PACS1: variants seen among roughly 807,000 people sequenced by gnomAD.
PACS1 encodes phosphofurin acidic cluster sorting protein 1.
Under a neutral mutation model 115.0 loss-of-function variants are expected in PACS1, and 24 were observed. That is an observed-to-expected ratio of 0.21 (90% CI 0.15 to 0.29). The LOEUF (loss-of-function observed/expected upper bound fraction) is 0.29. Among genes scored for constraint, PACS1 ranks in the 10% least tolerant of loss-of-function variants. The pLI, the probability that PACS1 is intolerant of heterozygous loss-of-function variation, is 1.00. For missense variants in PACS1, 838 were observed against 1,251.2 expected, an observed-to-expected ratio of 0.67 and a Z score of 4.98; for synonymous variants, 453 against 504.5, an observed-to-expected ratio of 0.90 and a Z score of 1.37.
At chr11:66,223,574 T>TGGGCAAACCCTACC (rs1326833097) in intron 10 of PACS1, among the ~76,000 whole-genome samples, 1 of 152,144 alleles carries the variant, frequency 6.6e-6, no homozygotes, top group Non-Finnish European at 1.5e-5. Flanking sequence ...CAAACCCTAC[T>TGGGCAAACCCTACC]GGGCAAACCC....
intron 1 of PACS1, among the ~76,000 whole-genome samples, chr11:66,079,660 C>T (rs1398505452): frequency 6.6e-6 from 1 of 152,148 alleles, no homozygotes; most frequent in Non-Finnish European, 1.5e-5. Flanking sequence ...TTCATTCATT[C>T]AGCAAAAGCT....
intron 1 of PACS1, among the ~76,000 whole-genome samples, chr11:66,170,942 CTTA>C (rs1859723509): frequency 6.8e-6 from 1 of 147,052 alleles, no homozygotes; most frequent in African/African-American, 2.6e-5. Flanking sequence ...TTGTTGGTAA[CTTA>C]CTTTATACCT....
At chr11:66,131,006 G>T (rs1266542585) in intron 1 of PACS1, among the ~76,000 whole-genome samples, 1 of 152,168 alleles carries the variant, frequency 6.6e-6, no homozygotes, top group Non-Finnish European at 1.5e-5. Context: ...AGGACGTTCA[G>T]GCTGCAGTGA....
At chr11:66,141,666 A>AG (rs1044690499) in intron 1 of PACS1, among the ~76,000 whole-genome samples, 8 of 152,012 alleles carry the variant, frequency 5.3e-5, no homozygotes, top group African/African-American at 1.7e-4. Context: ...AAAAAAAAAA[A>AG]AAATGCTCAT....
chr11:66,187,471 A>G (rs1458862923), intron 1 of PACS1, among the ~76,000 whole-genome samples: 2 of 152,132 alleles, frequency 1.3e-5, no homozygotes, highest in Non-Finnish European at 2.9e-5. Flanking sequence ...TTCCCCTGCT[A>G]TTCTCAGCCT....
chr11:66,120,706 T>C (rs934623264), intron 1 of PACS1, among the ~76,000 whole-genome samples: 3 of 152,212 alleles, frequency 2.0e-5, no homozygotes, highest in African/African-American at 7.2e-5. Flanking sequence ...GGAATGATAA[T>C]AATACTTGCT....
intron 1 of PACS1, among the ~76,000 whole-genome samples, chr11:66,181,480 CT>C (rs1181825927): frequency 6.6e-6 from 1 of 152,070 alleles, no homozygotes; most frequent in Non-Finnish European, 1.5e-5. Context: ...TCCCAAAGTG[CT>C]GGGGTTATAG....
intron 22 of PACS1, among the ~76,000 whole-genome samples, chr11:66,242,255 C>A (rs1377305439): frequency 6.6e-6 from 1 of 152,192 alleles, no homozygotes; most frequent in African/African-American, 2.4e-5. Context: ...GCTGGGGACC[C>A]GCAACTGGTA....
intron 2 of PACS1, among the ~76,000 whole-genome samples, chr11:66,194,324 C>T (rs1854600558): frequency 6.6e-6 from 1 of 152,118 alleles, no homozygotes; most frequent in Non-Finnish European, 1.5e-5. Context: ...TCAGACTTGG[C>T]AATTTAAAGT....
chr11:66,213,551 C>A (rs952096173), intron 4 of PACS1, among the ~76,000 whole-genome samples: 5 of 152,250 alleles, frequency 3.3e-5, no homozygotes, highest in Admixed American at 2.6e-4. Context: ...TCCCACTGAG[C>A]AGACAGAGCT....
At chr11:66,207,226 G>C (rs1373364469) in intron 2 of PACS1, among the ~76,000 whole-genome samples, 1 of 152,178 alleles carries the variant, frequency 6.6e-6, no homozygotes, top group Admixed American at 6.5e-5. Flanking sequence ...CAGCACTTTG[G>C]GAGGCCAAGG....
At chr11:66,214,576 C>T (rs1336185524) in intron 4 of PACS1, among the ~76,000 whole-genome samples, 3 of 133,790 alleles carry the variant, frequency 2.2e-5, no homozygotes, top group East Asian at 2.6e-4. Context: ...TTCCTTCCTT[C>T]TCTCTCTCGC....
chr11:66,199,257 G>A (rs1029060825), intron 2 of PACS1, among the ~76,000 whole-genome samples: 3 of 151,086 alleles, frequency 2.0e-5, no homozygotes, highest in Non-Finnish European at 4.4e-5. Context: ...GGAGCTTGCA[G>A]TGAGCCGAGA....
chr11:66,072,759 T>C (rs1269158683), intron 1 of PACS1, among the ~76,000 whole-genome samples: 1 of 152,194 alleles, frequency 6.6e-6, no homozygotes, highest in Admixed American at 6.5e-5. Context: ...GTGGGTCCAG[T>C]CTTTCCCATT....
At chr11:66,175,401 A>G (rs998190261) in intron 1 of PACS1, among the ~76,000 whole-genome samples, 2 of 152,142 alleles carry the variant, frequency 1.3e-5, no homozygotes, top group African/African-American at 2.4e-5. Context: ...AAAATGTGAC[A>G]GTGGGTGGCT....
intron 1 of PACS1, among the ~76,000 whole-genome samples, chr11:66,073,827 CA>C: frequency 1.3e-5 from 2 of 151,280 alleles, no homozygotes; most frequent in African/African-American, 4.9e-5. Context: ...AGTCATAGCT[CA>C]CTGCAGCCTC....
At chr11:66,144,183 C>T (rs1233314396) in intron 1 of PACS1, among the ~76,000 whole-genome samples, 2 of 152,140 alleles carry the variant, frequency 1.3e-5, no homozygotes, top group Non-Finnish European at 2.9e-5. Context: ...TTAGCCTTTT[C>T]TTGGGTTGGG....
At chr11:66,099,718 G>T (rs1007426711) in intron 1 of PACS1, among the ~76,000 whole-genome samples, 3 of 150,936 alleles carry the variant, frequency 2.0e-5, no homozygotes, top group African/African-American at 7.3e-5. Flanking sequence ...GCTAATTTTT[G>T]TATTTTTTGT....
chr11:66,192,788 A>C (rs937529563), intron 1 of PACS1, among the ~76,000 whole-genome samples: 1 of 152,212 alleles, frequency 6.6e-6, no homozygotes, highest in Non-Finnish European at 1.5e-5. Context: ...TGGTAAGGCC[A>C]AGGTAAAGTC....
Sources: allele counts gnomAD v4.1 joint callset (sites outside exome capture counted in the v4.1 genomes callset), GRCh38; gene constraint gnomAD v4.1.1; transcripts MANE v1.5; gene names NCBI Gene and HGNC (gene_info 2026-07-23, HGNC 2026-07-21).